The following YY1 variants were observed in gnomAD, a reference collection of about 807,000 sequenced individuals.
The protein encoded by YY1 is transcriptional repressor protein YY1.
In YY1, 2 loss-of-function variants were observed where a neutral mutation model predicts 35.6. The observed-to-expected ratio is 0.06, with a 90% CI of 0.02 to 0.18. YY1 has a LOEUF of 0.18. YY1 is among the 10% of genes least tolerant of loss of function. The pLI is 1.00. For synonymous variants in YY1, 268 were observed against 238.9 expected, an observed-to-expected ratio of 1.12 and a Z score of -1.12; for missense variants, 322 against 573.4, an observed-to-expected ratio of 0.56 and a Z score of 4.48.
At chr14:100,249,752 TTTTTTTTG>T (rs908795720) in intron 1 of YY1, among the ~76,000 whole-genome samples, 4 of 84,904 alleles carry the variant, frequency 4.7e-5, no homozygotes, top group African/African-American at 2.2e-4. Flanking sequence ...CTTACCGTTT[TTTTTTTTG>T]TTTGTTTTTG....
chr14:100,248,339 G>T (rs1336099701), intron 1 of YY1, among the ~76,000 whole-genome samples: 1 of 151,960 alleles, frequency 6.6e-6, no homozygotes, highest in Non-Finnish European at 1.5e-5. Context: ...AACCAGGATG[G>T]TCTCAATCTC....
chr14:100,240,552 C>G (rs1453299803), intron 1 of YY1, among the ~76,000 whole-genome samples: 1 of 152,138 alleles, frequency 6.6e-6, no homozygotes, highest in East Asian at 1.9e-4. Context: ...CCTCCTTGCT[C>G]CCCGCCCACC....
chr14:100,239,756 G>T lies in YY1; in HGVS notation c.512G>T (p.Arg171Leu), dbSNP rs1373381977. 7.0e-6 allele frequency: 11 copies of T among 1,581,950 alleles called. No individual in the cohort carries two copies. Among genetic ancestry groups the T allele is most frequent in the Non-Finnish European group, 9.4e-6 (11 of 1,168,404 alleles). Reference protein sequence around the residue: ...GGGSSSSGGGRVKKGGGKKSG... With the variant: ...GGGSSSSGGGLVKKGGGKKSG... ...GGCTCGTCGTCGTCGGGAGGCGGCC[G>T]CGTCAAGAAGGGCGGCGGCAAGAAG... Residue 171 changes from arginine to leucine, a missense_variant, in exon 1 of 5, where the codon CGC (arginine) becomes CTC (leucine). By Grantham distance (102) the Arg-to-Leu change is moderately radical (BLOSUM62 -2). Transcript: ENST00000262238.
chr14:100,244,248 G>A (rs1037388804), intron 1 of YY1, among the ~76,000 whole-genome samples: 7 of 151,528 alleles, frequency 4.6e-5, no homozygotes, highest in Admixed American at 6.6e-5. Context: ...ATCAGTATAG[G>A]AATCTAATAG....
chr14:100,272,428 C>G (rs1447619246), intron 2 of YY1, among the ~76,000 whole-genome samples: 1 of 152,112 alleles, frequency 6.6e-6, no homozygotes, highest in African/African-American at 2.4e-5. Context: ...CTCATATACT[C>G]CTAGGGCTGG....
chr14:100,279,220 A>G lies in YY1; in HGVS notation c.*1620A>G, dbSNP rs141469146. On this transcript the variant is annotated 3_prime_UTR_variant, in exon 5 of 5. Coordinates refer to ENST00000262238, the MANE Select transcript of YY1 (RefSeq NM_003403.5). The stretch of plus-strand genomic sequence containing the variant: ...CAAAATCTCATTTATTCAAAGTGCA[A>G]ACATACTGTGTGTCTTTCTGTTTTG... 6.5e-4 allele frequency: 99 copies of G among 152,336 alleles called. No individual in the cohort carries two copies. The highest frequency in any genetic ancestry group is 2.2e-3 in the African/African-American group (91 of 41,580). 9.4% of individuals were successfully genotyped at this position (152,336 alleles called of 1,614,324 possible). A position where few individuals can be genotyped will look rare whatever the true frequency, so the allele number is the denominator to read the frequency against.
At chr14:100,267,104 T>C (rs557450961) in intron 2 of YY1, among the ~76,000 whole-genome samples, 6 of 151,904 alleles carry the variant, frequency 3.9e-5, no homozygotes, top group African/African-American at 1.5e-4. Context: ...CTTGGTGGTA[T>C]GGAAAAGGGT....
At chr14:100,263,022 C>T (rs897610908) in intron 2 of YY1, among the ~76,000 whole-genome samples, 1 of 152,186 alleles carries the variant, frequency 6.6e-6, no homozygotes, top group African/African-American at 2.4e-5. Context: ...ATTCTCCTGC[C>T]TCAGCCTCCC....
intron 1 of YY1, among the ~76,000 whole-genome samples, chr14:100,254,424 A>G (rs183151836): frequency 1.3e-5 from 2 of 152,050 alleles, no homozygotes; most frequent in East Asian, 3.9e-4. Context: ...ATTTCTCTAG[A>G]AGTCTTTTTG....
At chr14:100,248,812 C>G (rs143079436) in intron 1 of YY1, among the ~76,000 whole-genome samples, 1 of 151,324 alleles carries the variant, frequency 6.6e-6, no homozygotes, top group African/African-American at 2.4e-5. Flanking sequence ...CTCAGCCTCC[C>G]GAGTAGCTGG....
At chr14:100,275,036 G>A (rs554900883) in intron 3 of YY1, among the ~76,000 whole-genome samples, 9 of 152,264 alleles carry the variant, frequency 5.9e-5, no homozygotes, top group South Asian at 2.1e-4. Context: ...TAACAAGTCC[G>A]TCTTAAGATC....
intron 3 of YY1, among the ~76,000 whole-genome samples, chr14:100,275,485 T>G (rs1373935163): frequency 6.6e-6 from 1 of 152,218 alleles, no homozygotes; most frequent in Non-Finnish European, 1.5e-5. Context: ...GTATCTCCAT[T>G]AGGGCCGAAA....
At chr14:100,249,100 ATTTTTTTTTTTTTTTTTTTTT>A (rs60088505) in intron 1 of YY1, among the ~76,000 whole-genome samples, 4 of 46,834 alleles carry the variant, frequency 8.5e-5, no homozygotes, top group Admixed American at 4.1e-4. Flanking sequence ...TTCTCGTGTA[ATTTTTTTTTTTTTTTTTTTTT>A]TTTTTTTTTT....
chr14:100,272,954 GT>G (rs1555370707), intron 2 of YY1, among the ~76,000 whole-genome samples: 2 of 141,202 alleles, frequency 1.4e-5, no homozygotes, highest in East Asian at 2.1e-4. Context: ...GTTTTTTGTT[GT>G]TTTTTTTTTG....
rs1229093843 is a variant in YY1, at chr14:100,282,773, C to T, written c.*5173C>T. ...ATGGCTCTATACAATATAATAAATGCATAATGTTAAGCTTTTTAATGCCTG... is the reference window on the plus strand; with the variant it reads ...ATGGCTCTATACAATATAATAAATGTATAATGTTAAGCTTTTTAATGCCTG... On this transcript the variant is annotated 3_prime_UTR_variant, in exon 5 of 5. Transcript: ENST00000262238. The T allele has an allele frequency of 6.6e-6, 1 of 152,202 alleles. No individual in the cohort carries two copies. Among genetic ancestry groups the T allele is most frequent in the East Asian group, 1.9e-4 (1 of 5,202 alleles). The allele number at this position is 152,202 out of a possible 1,614,324, so 9.4% of individuals were successfully genotyped here. A position where few individuals can be genotyped will look rare whatever the true frequency, so the allele number is the denominator to read the frequency against.
intron 1 of YY1, among the ~76,000 whole-genome samples, chr14:100,260,191 C>T (rs994934596): frequency 3.9e-5 from 6 of 152,058 alleles, no homozygotes; most frequent in East Asian, 1.9e-4. Context: ...ATTCTCTTGC[C>T]GCAGCCTCCC....
chr14:100,243,199 C>T (rs1192832306), intron 1 of YY1, among the ~76,000 whole-genome samples: 1 of 152,160 alleles, frequency 6.6e-6, no homozygotes, highest in Non-Finnish European at 1.5e-5. Context: ...AATTCCATAA[C>T]AAGTGGAGAA....
intron 1 of YY1, among the ~76,000 whole-genome samples, chr14:100,242,238 G>A (rs1279966668): frequency 6.6e-6 from 1 of 152,144 alleles, no homozygotes; most frequent in Admixed American, 6.5e-5. Flanking sequence ...AGCTGGTAGT[G>A]TACGGCTTTG....
At chr14:100,264,142 GGTATGAGCCACTGCACAT>G (rs1166132041) in intron 2 of YY1, 6 of 152,166 alleles carry the variant, frequency 3.9e-5, no homozygotes, top group Non-Finnish European at 8.8e-5. Flanking sequence ...TGGGATGACA[GGTATGAGCCACTGCACAT>G]GGCCCAAGAG....
Sources: gnomAD v4.1 joint callset for allele counts (sites outside exome capture counted in the v4.1 genomes callset) on GRCh38, gnomAD v4.1.1 for gene constraint, MANE v1.5 for transcripts, NCBI Gene and HGNC (gene_info 2026-07-23, HGNC 2026-07-21) for gene names.